The following ZNF362 variants were observed in gnomAD, a reference collection of about 807,000 sequenced individuals.
ZNF362 encodes rotund homolog.
ZNF362 carries 11 observed loss-of-function variants against 42.9 expected under a neutral mutation model. That is an observed-to-expected ratio of 0.26 (90% CI 0.16 to 0.42). The LOEUF (loss-of-function observed/expected upper bound fraction) is 0.42. Among genes scored for constraint, ZNF362 ranks in the 20% least tolerant of loss-of-function variants. The pLI is 1.00. For missense variants in ZNF362, 362 were observed against 576.2 expected, an observed-to-expected ratio of 0.63 and a Z score of 3.81; for synonymous variants, 255 against 257.3, an observed-to-expected ratio of 0.99 and a Z score of 0.09.
chr1:33,255,533 G>C (rs930836607), upstream of ZNF362, among the ~76,000 whole-genome samples: 4 of 151,854 alleles, frequency 2.6e-5, no homozygotes, highest in African/African-American at 9.7e-5. Flanking sequence ...CACAGCTCGG[G>C]AGGCCGAATC....
At chr1:33,235,453 G>A in the ZNF362 span, among the ~76,000 whole-genome samples, 1 of 152,198 alleles carries the variant, frequency 6.6e-6, no homozygotes. Flanking sequence ...AAGGTCTCCA[G>A]CAAACTCCAG....
the ZNF362 span, chr1:33,158,181 T>C: frequency 1.4e-6 from 2 of 1,413,610 alleles, no homozygotes; most frequent in African/African-American, 2.8e-5. Context: ...CCATGCTGTG[T>C]TTAGGACAGG....
At chr1:33,256,840 C>CGGT (rs1557784527) in intron 1 of ZNF362, among the ~76,000 whole-genome samples, 186 bp downstream of exon 1, 1 of 147,302 alleles carries the variant, frequency 6.8e-6, no homozygotes, top group Admixed American at 6.7e-5. Flanking sequence ...GCGGCGGCGG[C>CGGT]GGCGGCAGCG....
At chr1:33,200,809 AC>A in the ZNF362 span, among the ~76,000 whole-genome samples, 10 of 152,312 alleles carry the variant, frequency 6.6e-5, no homozygotes, top group Admixed American at 5.9e-4. Context: ...TAAAGTCCTA[AC>A]CTCCAATGTG....
chr1:33,227,587 C>A, the ZNF362 span, among the ~76,000 whole-genome samples: 17 of 152,182 alleles, frequency 1.1e-4, no homozygotes, highest in African/African-American at 4.1e-4. Flanking sequence ...CAGTTAACGC[C>A]TTAGACATCA....
chr1:33,292,722 A>G (rs963906654), intron 6 of ZNF362, among the ~76,000 whole-genome samples: 2 of 152,152 alleles, frequency 1.3e-5, no homozygotes, highest in African/African-American at 2.4e-5. Flanking sequence ...GGGGTTTAAA[A>G]CAAAGGCAGT....
the ZNF362 span, chr1:33,181,014 G>A: frequency 6.6e-7 from 1 of 1,513,706 alleles, no homozygotes; most frequent in Non-Finnish European, 8.9e-7. This position sits in a 1 kb window ranked among gnomAD's most constrained non-coding sequence, Gnocchi z 6.5. Flanking sequence ...CAGGCAGGCC[G>A]GGTAGCGCAC....
At chr1:33,217,568 C>T in the ZNF362 span, among the ~76,000 whole-genome samples, 2 of 152,186 alleles carry the variant, frequency 1.3e-5, no homozygotes, top group Non-Finnish European at 2.9e-5. Flanking sequence ...GGCTCCCCCA[C>T]CTGGGGAAGC....
At chr1:33,137,216 T>C in the ZNF362 span, among the ~76,000 whole-genome samples, 2 of 152,118 alleles carry the variant, frequency 1.3e-5, no homozygotes, top group East Asian at 3.9e-4. Context: ...GACTGGAGGC[T>C]AATAAGGAGC....
At chr1:33,287,785 G>C (rs921723777) in intron 6 of ZNF362, among the ~76,000 whole-genome samples, 2 of 152,192 alleles carry the variant, frequency 1.3e-5, no homozygotes, top group African/African-American at 2.4e-5. Context: ...GCCAGGTCCT[G>C]CTTAAGGTGT....
At chr1:33,235,178 A>G in the ZNF362 span, among the ~76,000 whole-genome samples, 6 of 151,956 alleles carry the variant, frequency 3.9e-5, no homozygotes, top group African/African-American at 1.5e-4. Context: ...TCTGCTTGGT[A>G]ATGGACCATG....
chr1:33,216,986 G>A, the ZNF362 span, among the ~76,000 whole-genome samples: 3 of 151,686 alleles, frequency 2.0e-5, no homozygotes, highest in South Asian at 2.1e-4. Flanking sequence ...GTGGTGTAGA[G>A]AATGAATTGC....
chr1:33,229,008 C>T, the ZNF362 span, among the ~76,000 whole-genome samples: 3 of 152,164 alleles, frequency 2.0e-5, no homozygotes, highest in East Asian at 1.9e-4. Context: ...TTGTGATTGC[C>T]GTTTCCTCTG....
At chr1:33,135,782 TGCCTG>T in the ZNF362 span, among the ~76,000 whole-genome samples, 3 of 152,242 alleles carry the variant, frequency 2.0e-5, no homozygotes, top group African/African-American at 7.2e-5. Flanking sequence ...GTGCTATCTT[TGCCTG>T]GTCACCATCA....
the ZNF362 span, among the ~76,000 whole-genome samples, chr1:33,161,751 C>T: frequency 6.6e-6 from 1 of 152,170 alleles, no homozygotes; most frequent in Non-Finnish European, 1.5e-5. This position sits in a 1 kb window ranked among gnomAD's most constrained non-coding sequence, Gnocchi z 4.3. Context: ...CACAGGCGCC[C>T]AGACTCCGCA....
chr1:33,179,671 C>G, the ZNF362 span, among the ~76,000 whole-genome samples: 1 of 152,104 alleles, frequency 6.6e-6, no homozygotes, highest in Admixed American at 6.6e-5. Flanking sequence ...TTGCACCAGG[C>G]TTTGGGGCCA....
chr1:33,182,201 G>A, the ZNF362 span: 1 of 152,132 alleles, frequency 6.6e-6, no homozygotes, highest in Non-Finnish European at 1.5e-5. Flanking sequence ...TCCCAGGGAA[G>A]CGAAGCCCAG....
At chr1:33,189,169 C>T in the ZNF362 span, among the ~76,000 whole-genome samples, 150,151 of 152,308 alleles carry the variant, frequency 0.99, 74,053 homozygotes, top group Middle Eastern at 1. Flanking sequence ...TAAGAGTGCA[C>T]TTTTGTTTTC....
chr1:33,200,825 T>A, the ZNF362 span, among the ~76,000 whole-genome samples: 1 of 152,220 alleles, frequency 6.6e-6, no homozygotes, highest in Admixed American at 6.5e-5. Context: ...AATGTGACTA[T>A]ATTTGGAGAT....
Sources: gnomAD v4.1 joint callset for allele counts (sites outside exome capture counted in the v4.1 genomes callset) on GRCh38, gnomAD v4.1.1 for gene constraint, Gnocchi (gnomAD v3.1) non-coding constraint, MANE v1.5 for transcripts, NCBI Gene and HGNC (gene_info 2026-07-23, HGNC 2026-07-21) for gene names.